Variants in AK5 observed in about 807,000 individuals in gnomAD.
AK5 encodes the protein adenylate kinase isoenzyme 5.
In AK5, 27 loss-of-function variants were observed where a neutral mutation model predicts 69.5. That is an observed-to-expected ratio of 0.39 (90% confidence interval 0.29 to 0.54). The LOEUF (loss-of-function observed/expected upper bound fraction) is 0.54. Ranked by LOEUF, AK5 falls within the 20% of genes least tolerant of loss-of-function variation. The pLI is 0.71. For missense variants in AK5, 531 were observed against 700.4 expected (o/e 0.76, Z 2.73); for synonymous variants, 260 against 244.4 (o/e 1.06, Z -0.60).
chr1:77,299,345 G>A (rs1570336400), intron 5 of AK5, among the ~76,000 whole-genome samples: 2 of 145,456 alleles, frequency 1.4e-5, no homozygotes, highest in Non-Finnish European at 3.1e-5. Context: ...TTATTTCAAG[G>A]AGCATTTAAC....
At chr1:77,500,445 A>C (rs1334608404) in intron 10 of AK5, among the ~76,000 whole-genome samples, 5 of 152,022 alleles carry the variant, frequency 3.3e-5, no homozygotes, top group Non-Finnish European at 7.4e-5. Context: ...CAAAGAATGG[A>C]GTGTGTACTG....
rs550555804 is a variant in AK5, at chr1:77,416,118, G to A, written c.983-1521G>A. ...AACTGACCTTCAAACTGGGCTTTACGACGGCTGAGTATTTTGGCCCCAAAA... is the reference window on the plus strand; with the variant it reads ...AACTGACCTTCAAACTGGGCTTTACAACGGCTGAGTATTTTGGCCCCAAAA... On this transcript the variant is annotated intron_variant, in intron 7 of 13. Coordinates refer to ENST00000354567, the MANE Select transcript of AK5 (RefSeq NM_174858.3). Among the ~76,000 whole-genome samples the A allele has an allele frequency of 3.3e-5, 5 of 151,570 alleles. No individual in the cohort carries two copies. In the East Asian group the frequency reaches 5.8e-4, roughly 18 times the overall value.
At chr1:77,367,946 T>TTA (rs71075736) in intron 6 of AK5, among the ~76,000 whole-genome samples, 3,087 of 38,826 alleles carry the variant, frequency 0.08, 811 homozygotes, top group Non-Finnish European at 0.12. Context: ...AATATATATG[T>TTA]TATATATATA....
intron 2 of AK5, among the ~76,000 whole-genome samples, chr1:77,287,900 C>T (rs1183243): frequency 0.023 from 3,475 of 152,192 alleles, 144 homozygotes; most frequent in African/African-American, 0.079. Flanking sequence ...TTGTTACAGG[C>T]GCATACTCCT....
At chr1:77,503,911 A>G (rs1260617261) in intron 10 of AK5, among the ~76,000 whole-genome samples, 1 of 150,030 alleles carries the variant, frequency 6.7e-6, no homozygotes, top group Non-Finnish European at 1.5e-5. Flanking sequence ...AAAAAAAAAG[A>G]AAAAAAAATG....
chr1:77,460,335 G>A (rs1653755998), intron 8 of AK5, among the ~76,000 whole-genome samples: 1 of 152,256 alleles, frequency 6.6e-6, no homozygotes, highest in Non-Finnish European at 1.5e-5. Context: ...AATATACAAA[G>A]CAAGACAAAG....
At chr1:77,421,661 G>A (rs1434393415) in intron 8 of AK5, among the ~76,000 whole-genome samples, 2 of 152,128 alleles carry the variant, frequency 1.3e-5, no homozygotes, top group East Asian at 1.9e-4. Context: ...GGGAGAGATG[G>A]GTTTGTTGAG....
chr1:77,366,926 T>TGACGC (rs71075731), intron 6 of AK5, among the ~76,000 whole-genome samples: 2 of 150,638 alleles, frequency 1.3e-5, no homozygotes, highest in Non-Finnish European at 3.0e-5. Flanking sequence ...TAAAGGTTTT[T>TGACGC]ATATTAGCCT....
At chr1:77,443,498 A>G (rs1220204874) in intron 8 of AK5, among the ~76,000 whole-genome samples, 2 of 152,208 alleles carry the variant, frequency 1.3e-5, no homozygotes, top group Non-Finnish European at 2.9e-5. Flanking sequence ...CACCTAGCAC[A>G]GTAGACCATC....
rs10526328 is a variant in AK5 at position 77,533,509 on chromosome 1, CA to C, written c.1429-2312del. Among the ~76,000 whole-genome samples the C allele has an allele frequency of 3.2e-3, 306 of 94,924 alleles. 1 individual carries two copies. Among genetic ancestry groups the C allele is most frequent in the African/African-American group, 0.014 (280 of 20,070 alleles). 62.3% of individuals were successfully genotyped at this position (94,924 alleles called of 152,430 possible). ...AGGCTGCAGAGCAAGACTCTGTCAC[CA>C]AAAAAAAAAAAAAAAAAAAAAAAAA... On this transcript the variant is annotated intron_variant, in intron 12 of 13. Coordinates refer to ENST00000354567, the MANE Select transcript of AK5 (RefSeq NM_174858.3).
intron 5 of AK5, among the ~76,000 whole-genome samples, chr1:77,324,479 AAC>A (rs1478197581): frequency 3.9e-5 from 6 of 152,148 alleles, no homozygotes; most frequent in African/African-American, 1.4e-4. Flanking sequence ...TTCAAATTGC[AAC>A]GACTGCCTAA....
intron 5 of AK5, among the ~76,000 whole-genome samples, chr1:77,313,516 T>C (rs984021629): frequency 3.9e-5 from 6 of 152,132 alleles, no homozygotes; most frequent in Non-Finnish European, 7.3e-5. Context: ...CATTCCTACA[T>C]GTGTGTAGTG....
intron 5 of AK5, among the ~76,000 whole-genome samples, chr1:77,339,644 CTTTTT>C (rs34298832): frequency 2.4e-5 from 3 of 123,146 alleles, no homozygotes; most frequent in Non-Finnish European, 1.7e-5. Flanking sequence ...TTAGCAATAT[CTTTTT>C]TTTTTTTTTT....
chr1:77,284,857 C>G (rs531966546), intron 1 of AK5, among the ~76,000 whole-genome samples: 41 of 152,290 alleles, frequency 2.7e-4, no homozygotes, highest in African/African-American at 9.9e-4. Context: ...AATCAATGCC[C>G]TTTGGTGAAC....
chr1:77,436,718 C>T (rs1376685972), intron 8 of AK5, among the ~76,000 whole-genome samples: 1 of 151,840 alleles, frequency 6.6e-6, no homozygotes, highest in Non-Finnish European at 1.5e-5. Context: ...CATTTACATT[C>T]ACCTAATTTG....
intron 6 of AK5, among the ~76,000 whole-genome samples, chr1:77,354,928 G>T (rs894115019): frequency 6.6e-6 from 1 of 152,156 alleles, no homozygotes; most frequent in South Asian, 2.1e-4. Context: ...GATAAATAGT[G>T]CTGTGTATTA....
chr1:77,477,833 T>C (rs2100711618), intron 8 of AK5, among the ~76,000 whole-genome samples: 1 of 152,270 alleles, frequency 6.6e-6, no homozygotes, highest in South Asian at 2.1e-4. Flanking sequence ...TTTGCTACCA[T>C]GAAACACACA....
chr1:77,293,934 C>T lies in AK5; in HGVS notation c.389C>T (p.Pro130Leu). 6.2e-7 allele frequency: 1 copy of T among 1,611,772 alleles called. No individual in the cohort carries two copies. The highest frequency in any genetic ancestry group is 1.1e-5 in the South Asian group (1 of 90,392). The change falls in exon 3 of 14, where the codon CCT becomes CTT. Residue 130 changes from proline (P) to leucine (L), a missense_variant. Transcript: ENST00000354567. ...EEYEVFDPTR[P>L]RPKIILVIGG... ...TATGAGGTTTTTGATCCTACCAGACCTCGACCAAAAATCATTCTTGTTATA... is the reference window on the plus strand; with the variant it reads ...TATGAGGTTTTTGATCCTACCAGACTTCGACCAAAAATCATTCTTGTTATA...
chr1:77,545,523 C>T (rs1385554238), intron 13 of AK5, among the ~76,000 whole-genome samples: 6 of 152,188 alleles, frequency 3.9e-5, no homozygotes, highest in African/African-American at 1.2e-4. Context: ...CTACTAACAA[C>T]GATGCAGTGG....
Sources: gnomAD v4.1 joint callset for allele counts (sites outside exome capture counted in the v4.1 genomes callset) on GRCh38, gnomAD v4.1.1 for gene constraint, MANE v1.5 for transcripts, NCBI Gene and HGNC (gene_info 2026-07-23, HGNC 2026-07-21) for gene names.